The following ZBED6 variants were observed in gnomAD, a reference collection of about 807,000 sequenced individuals.
ZBED6 encodes the protein zinc finger BED domain-containing protein 6.
A neutral mutation model predicts 58.4 loss-of-function variants in ZBED6; 40 were observed. The observed-to-expected ratio is 0.68, with a 90% CI of 0.53 to 0.89. ZBED6 has a LOEUF of 0.89. Ranked by LOEUF, ZBED6 falls within the 40% of genes least tolerant of loss-of-function variation. The pLI is 0.00. For synonymous variants in ZBED6, 439 were observed against 350.6 expected (o/e 1.25, Z -2.82); for missense variants, 1,057 against 1,003.9 (o/e 1.05, Z -0.71).
At chr1:203,815,579 T>G (rs1250669150) in intron 1 of ZBED6, among the ~76,000 whole-genome samples, 4 of 151,968 alleles carry the variant, frequency 2.6e-5, no homozygotes, top group Non-Finnish European at 4.4e-5. Flanking sequence ...CTTTAATACT[T>G]TTACATATTA....
chr1:203,850,118 T>A, intron 14 of ZBED6, 92 bp downstream of exon 14: 1 of 1,147,174 alleles, frequency 8.7e-7, no homozygotes, highest in Non-Finnish European at 1.2e-6. Context: ...AACAATTGGG[T>A]TGAATTTCAT....
At chr1:203,835,198 C>T (rs1683891190) in intron 9 of ZBED6, among the ~76,000 whole-genome samples, 1 of 152,050 alleles carries the variant, frequency 6.6e-6, no homozygotes, top group South Asian at 2.1e-4. Context: ...GAGATAATGC[C>T]CATGAATGAA....
chr1:203,800,519 G>A (rs1670241020), exon 1 of ZBED6: 3 of 1,401,714 alleles, frequency 2.1e-6, no homozygotes, highest in Non-Finnish European at 2.8e-6. Context: ...TATCTTAATA[G>A]CTGTAGTTGT....
At chr1:203,811,381 A>T (rs1674444917) in intron 1 of ZBED6, among the ~76,000 whole-genome samples, 1 of 152,250 alleles carries the variant, frequency 6.6e-6, no homozygotes, top group South Asian at 2.1e-4. Context: ...TTTGCATTTC[A>T]TAGCTACCAT....
chr1:203,841,728 G>A (rs1163940103), intron 11 of ZBED6, among the ~76,000 whole-genome samples: 6 of 152,184 alleles, frequency 3.9e-5, no homozygotes, highest in Admixed American at 1.3e-4. Flanking sequence ...CAGATAGGGC[G>A]GCCGGGCAGA....
intron 3 of ZBED6, among the ~76,000 whole-genome samples, chr1:203,825,076 C>CAAAAAAAA (rs61108073): frequency 9.2e-5 from 10 of 108,864 alleles, no homozygotes; most frequent in Admixed American, 2.2e-4. Context: ...GACTCCGTCT[C>CAAAAAAAA]AAAAAAAAAA....
intron 3 of ZBED6, among the ~76,000 whole-genome samples, chr1:203,824,678 C>T (rs567316728): frequency 2.6e-5 from 4 of 152,272 alleles, no homozygotes; most frequent in Admixed American, 6.5e-5. Context: ...TTTGGTTCCA[C>T]GGCTTTTGGT....
At chr1:203,846,533 TATC>T (rs754648310) in intron 11 of ZBED6, among the ~76,000 whole-genome samples, 8 of 152,218 alleles carry the variant, frequency 5.3e-5, no homozygotes, top group Admixed American at 1.3e-4. Context: ...TCAAAGCAGT[TATC>T]ATTACCATAC....
At chr1:203,805,385 C>G (rs1162061071) in intron 1 of ZBED6, among the ~76,000 whole-genome samples, 1 of 152,050 alleles carries the variant, frequency 6.6e-6, no homozygotes, top group African/African-American at 2.4e-5. Flanking sequence ...CCTGCCTCAG[C>G]CTTTCAAAGT....
chr1:203,816,481 T>C (rs11240558), intron 1 of ZBED6, among the ~76,000 whole-genome samples: 1 of 151,776 alleles, frequency 6.6e-6, no homozygotes, highest in Non-Finnish European at 1.5e-5. Flanking sequence ...TTTAAAAAAT[T>C]AGCTGGGTAT....
intron 1 of ZBED6, chr1:203,805,659 G>C: frequency 1.4e-6 from 1 of 707,246 alleles, no homozygotes; most frequent in Non-Finnish European, 2.6e-6. Flanking sequence ...TCATCCACCA[G>C]AACTCCATCC....
intron 1 of ZBED6, among the ~76,000 whole-genome samples, chr1:203,804,387 C>G (rs11240537): frequency 6.6e-6 from 1 of 151,626 alleles, no homozygotes; most frequent in East Asian, 1.9e-4. Context: ...CTCCTGACCT[C>G]GTGATCCGCC....
chr1:203,845,602 C>T (rs1044993226), intron 11 of ZBED6, among the ~76,000 whole-genome samples: 4 of 152,198 alleles, frequency 2.6e-5, no homozygotes, highest in African/African-American at 4.8e-5. Context: ...TGGTGGCTCA[C>T]GCCTGTAATC....
At chr1:203,830,087 T>TC in intron 6 of ZBED6, 36 bp from the exon 7 acceptor site, 1 of 1,517,152 alleles carries the variant, frequency 6.6e-7, no homozygotes, top group Non-Finnish European at 9.1e-7. Context: ...ATGAAAAGGC[T>TC]CCCGTTCCTC....
chr1:203,821,964 A>G (rs778303275), intron 3 of ZBED6, among the ~76,000 whole-genome samples: 6 of 152,040 alleles, frequency 3.9e-5, no homozygotes, highest in Non-Finnish European at 7.4e-5. Context: ...TCACCGTGTT[A>G]GCCAGGATGG....
chr1:203,831,830 CA>C (rs1682483624), intron 8 of ZBED6, 59 bp downstream of exon 8: 1 of 1,375,766 alleles, frequency 7.3e-7, no homozygotes, highest in Non-Finnish European at 1.0e-6. Context: ...ATTGGGAATG[CA>C]AAATCCTTGG....
chr1:203,808,738 A>G (rs768287064), intron 1 of ZBED6, among the ~76,000 whole-genome samples: 5 of 152,082 alleles, frequency 3.3e-5, no homozygotes, highest in South Asian at 2.1e-4. Context: ...ACTGAAATCT[A>G]TTTTTGAAGG....
intron 11 of ZBED6, among the ~76,000 whole-genome samples, chr1:203,846,200 A>G (rs1377135914): frequency 6.6e-6 from 1 of 151,156 alleles, no homozygotes; most frequent in African/African-American, 2.4e-5. Flanking sequence ...CAGTGATTAC[A>G]TATATATGTG....
chr1:203,800,555 C>G, exon 1 of ZBED6: 1 of 1,199,574 alleles, frequency 8.3e-7, no homozygotes, highest in Non-Finnish European at 1.1e-6. Context: ...TCTTTATAAA[C>G]ACATCTGGGG....
Sources: allele counts gnomAD v4.1 joint callset (sites outside exome capture counted in the v4.1 genomes callset), GRCh38; gene constraint gnomAD v4.1.1; transcripts MANE v1.5; gene names NCBI Gene and HGNC (gene_info 2026-07-23, HGNC 2026-07-21).